LRP1B: variants seen among roughly 807,000 people sequenced by gnomAD.
LRP1B encodes the protein low-density lipoprotein receptor-related protein 1B.
A neutral mutation model predicts 556.6 loss-of-function variants in LRP1B; 217 were observed. That is an observed-to-expected ratio of 0.39 (90% CI 0.35 to 0.44). LRP1B has a LOEUF of 0.44. LRP1B is among the 20% of genes least tolerant of loss of function. The pLI, the probability that LRP1B is intolerant of heterozygous loss-of-function variation, is 1.00. For synonymous variants in LRP1B, 2,047 were observed against 1,865.8 expected (o/e 1.10, Z -2.50); for missense variants, 5,053 against 5,620.8 (o/e 0.90, Z 3.23).
intron 27 of LRP1B, among the ~76,000 whole-genome samples, chr2:140,853,205 G>A (rs971836467): frequency 6.6e-6 from 1 of 151,856 alleles, no homozygotes; most frequent in Non-Finnish European, 1.5e-5. Flanking sequence ...TCATGTAGAG[G>A]TGCCCTTCCT....
intron 3 of LRP1B, among the ~76,000 whole-genome samples, chr2:141,397,926 A>C (rs1308104898): frequency 6.6e-6 from 1 of 151,890 alleles, no homozygotes; most frequent in Non-Finnish European, 1.5e-5. Flanking sequence ...GCATATGTAT[A>C]TATATTTTTA....
At chr2:141,525,549 G>A (rs534601347) in intron 2 of LRP1B, among the ~76,000 whole-genome samples, 38 of 151,886 alleles carry the variant, frequency 2.5e-4, no homozygotes, top group Middle Eastern at 3.2e-3. Context: ...GACACTCAGG[G>A]AACTTAAAAA....
At chr2:140,887,530 T>TA (rs1693674866) in intron 23 of LRP1B, among the ~76,000 whole-genome samples, 1 of 152,156 alleles carries the variant, frequency 6.6e-6, no homozygotes. Flanking sequence ...ATTATAGACT[T>TA]AAATGTAAGA....
At chr2:141,433,267 T>C (rs184421352) in intron 3 of LRP1B, among the ~76,000 whole-genome samples, 162 of 152,134 alleles carry the variant, frequency 1.1e-3, no homozygotes, top group African/African-American at 3.3e-3. Context: ...ATTATTTCAT[T>C]CCTTTTAAAT....
At chr2:141,262,340 C>T (rs933541880) in intron 3 of LRP1B, among the ~76,000 whole-genome samples, 4 of 151,778 alleles carry the variant, frequency 2.6e-5, no homozygotes, top group South Asian at 2.1e-4. Context: ...AAGTTTGTTA[C>T]GAGATATATG....
intron 7 of LRP1B, among the ~76,000 whole-genome samples, chr2:141,092,914 G>T (rs907428046): frequency 6.6e-6 from 1 of 152,122 alleles, no homozygotes; most frequent in South Asian, 2.1e-4. Flanking sequence ...TGATTTCAGT[G>T]GTTTAGGAGA....
intron 25 of LRP1B, among the ~76,000 whole-genome samples, chr2:140,881,623 C>T (rs1458833814): frequency 6.6e-6 from 1 of 151,700 alleles, no homozygotes; most frequent in Non-Finnish European, 1.5e-5. Flanking sequence ...ATTGTATAAG[C>T]ATTATTTTGT....
At chr2:140,836,166 C>A (rs1008130718) in intron 31 of LRP1B, among the ~76,000 whole-genome samples, 1 of 151,980 alleles carries the variant, frequency 6.6e-6, no homozygotes, top group Non-Finnish European at 1.5e-5. Context: ...TATATAGGAA[C>A]TCTTTAGAGT....
At chr2:141,623,504 A>T (rs1384077292) in intron 2 of LRP1B, among the ~76,000 whole-genome samples, 1 of 152,034 alleles carries the variant, frequency 6.6e-6, no homozygotes, top group Non-Finnish European at 1.5e-5. Context: ...TAATTTCTTG[A>T]TAGCAATCCC....
chr2:140,812,520 C>G (rs1415363150), intron 32 of LRP1B, among the ~76,000 whole-genome samples: 3 of 151,450 alleles, frequency 2.0e-5, no homozygotes, highest in Non-Finnish European at 4.4e-5. Flanking sequence ...AAATGAATTT[C>G]CAAATCTGTC....
chr2:140,255,846 T>A (rs141313762), intron 86 of LRP1B, among the ~76,000 whole-genome samples: 316 of 152,320 alleles, frequency 2.1e-3, no homozygotes, highest in Non-Finnish European at 2.5e-3. Flanking sequence ...TAATCCACTA[T>A]GGGAAACTTT....
intron 1 of LRP1B, among the ~76,000 whole-genome samples, chr2:141,947,665 G>A (rs911115753): frequency 2.2e-4 from 34 of 152,122 alleles, no homozygotes; most frequent in African/African-American, 7.7e-4. Flanking sequence ...TTAAGTATTA[G>A]GATTCCTTCC....
intron 3 of LRP1B, among the ~76,000 whole-genome samples, chr2:141,269,778 A>T (rs545422022): frequency 7.2e-4 from 110 of 152,314 alleles, no homozygotes; most frequent in African/African-American, 2.5e-3. Flanking sequence ...ACCCATATAC[A>T]AGAAAAAAAG....
intron 35 of LRP1B, among the ~76,000 whole-genome samples, chr2:140,763,204 C>G (rs1019570279): frequency 6.6e-6 from 1 of 152,052 alleles, no homozygotes; most frequent in Non-Finnish European, 1.5e-5. Context: ...ATTTTTCAAT[C>G]TCTCAGCAGC....
At chr2:141,312,976 T>G (rs572806546) in intron 3 of LRP1B, among the ~76,000 whole-genome samples, 3 of 152,242 alleles carry the variant, frequency 2.0e-5, no homozygotes, top group East Asian at 1.9e-4. Flanking sequence ...CCACCACACC[T>G]GGACTGCTAA....
intron 1 of LRP1B, among the ~76,000 whole-genome samples, chr2:141,815,810 G>A (rs894275582): frequency 1.3e-5 from 2 of 152,248 alleles, no homozygotes; most frequent in African/African-American, 2.4e-5. Context: ...CACTCTTTGG[G>A]TCCATGCCAT....
At chr2:141,898,933 A>C (rs908625815) in intron 1 of LRP1B, among the ~76,000 whole-genome samples, 4 of 152,254 alleles carry the variant, frequency 2.6e-5, no homozygotes, top group African/African-American at 7.2e-5. Flanking sequence ...AGTCGATTCA[A>C]ATAATGGTTG....
intron 1 of LRP1B, among the ~76,000 whole-genome samples, chr2:142,078,809 T>A (rs897131995): frequency 6.6e-6 from 1 of 152,176 alleles, no homozygotes; most frequent in Non-Finnish European, 1.5e-5. Flanking sequence ...TTTGGTAATC[T>A]AGATAGCACA....
intron 1 of LRP1B, among the ~76,000 whole-genome samples, chr2:141,866,899 A>G (rs1209542870): frequency 6.6e-6 from 1 of 152,038 alleles, no homozygotes; most frequent in Non-Finnish European, 1.5e-5. Flanking sequence ...GAAGTTTGAA[A>G]TAAGGGGGAA....
Sources: allele counts gnomAD v4.1 joint callset (sites outside exome capture counted in the v4.1 genomes callset), GRCh38; gene constraint gnomAD v4.1.1; transcripts MANE v1.5; gene names NCBI Gene and HGNC (gene_info 2026-07-23, HGNC 2026-07-21).